Variants in RSF1 observed in about 807,000 individuals in gnomAD.
RSF1 encodes remodeling and spacing factor 1, also known as HBV pX-associated protein 8.
Under a neutral mutation model 145.2 loss-of-function variants are expected in RSF1, and 13 were observed. The ratio of observed to expected loss-of-function variants is 0.09; its 90% confidence interval spans 0.06 to 0.14. The LOEUF (loss-of-function observed/expected upper bound fraction) is 0.14. Ranked by LOEUF, RSF1 falls within the 10% of genes least tolerant of loss-of-function variation. The pLI is 1.00. For missense variants in RSF1, 1,517 were observed against 1,718.2 expected (o/e 0.88, Z 2.07); for synonymous variants, 577 against 592.6 (o/e 0.97, Z 0.38).
chr11:77,698,974 C>T (rs1371253952), intron 6 of RSF1, among the ~76,000 whole-genome samples: 3 of 152,074 alleles, frequency 2.0e-5, no homozygotes, highest in African/African-American at 7.2e-5. Flanking sequence ...ACTATAAATG[C>T]CATTACATAA....
chr11:77,692,307 GGA>G (rs1960174494), intron 8 of RSF1, among the ~76,000 whole-genome samples: 1 of 89,052 alleles, frequency 1.1e-5, no homozygotes, highest in African/African-American at 6.4e-5. Context: ...TGCAGTGGCG[GGA>G]TCTCGGCTCA....
intron 7 of RSF1, among the ~76,000 whole-genome samples, chr11:77,695,460 A>G (rs1960257572): frequency 6.6e-6 from 1 of 152,116 alleles, no homozygotes; most frequent in Non-Finnish European, 1.5e-5. Flanking sequence ...ATTAATGATT[A>G]TTTTATTCTT....
chr11:77,835,206 A>C, the RSF1 span, among the ~76,000 whole-genome samples: 9 of 152,176 alleles, frequency 5.9e-5, no homozygotes, highest in African/African-American at 2.2e-4. Context: ...CCTTTCAGGA[A>C]ATTTCTTAAA....
intron 5 of RSF1, among the ~76,000 whole-genome samples, chr11:77,712,088 T>C (rs1960699916): frequency 6.6e-6 from 1 of 152,234 alleles, no homozygotes; most frequent in Non-Finnish European, 1.5e-5. Flanking sequence ...AGTTACATGA[T>C]GTCAATATAC....
At chr11:77,706,345 T>C (rs1434992276) in intron 5 of RSF1, among the ~76,000 whole-genome samples, 2 of 152,142 alleles carry the variant, frequency 1.3e-5, no homozygotes, top group East Asian at 1.9e-4. Flanking sequence ...AGAAAATTAC[T>C]TGAAACTTTC....
chr11:77,745,193 C>CAA (rs1256903236), intron 3 of RSF1, among the ~76,000 whole-genome samples: 1 of 152,002 alleles, frequency 6.6e-6, no homozygotes, highest in African/African-American at 2.4e-5. Flanking sequence ...TAAAGGTTGT[C>CAA]AGTTTTGTTT....
At chr11:77,759,614 G>A (rs1948150847) in intron 2 of RSF1, among the ~76,000 whole-genome samples, 1 of 152,176 alleles carries the variant, frequency 6.6e-6, no homozygotes, top group South Asian at 2.1e-4. Context: ...AATCCAGGAG[G>A]CGGAGGTTGC....
At chr11:77,776,092 T>C (rs1948339159) in intron 1 of RSF1, among the ~76,000 whole-genome samples, 1 of 152,070 alleles carries the variant, frequency 6.6e-6, no homozygotes, top group Admixed American at 6.5e-5. Context: ...GTGCTTGTAG[T>C]CCTCCTTAGC....
At chr11:77,676,246 T>C (rs925044640) in intron 13 of RSF1, among the ~76,000 whole-genome samples, 1 of 152,180 alleles carries the variant, frequency 6.6e-6, no homozygotes, top group Non-Finnish European at 1.5e-5. Flanking sequence ...AATTTATCTT[T>C]CCCTGTATTT....
chr11:77,811,566 C>T (rs906208953), intron 1 of RSF1, among the ~76,000 whole-genome samples: 2 of 152,002 alleles, frequency 1.3e-5, no homozygotes, highest in Non-Finnish European at 2.9e-5. Context: ...AGACTAATGA[C>T]GGGTACAGTG....
chr11:77,841,677 T>G, the RSF1 span, among the ~76,000 whole-genome samples: 1 of 152,178 alleles, frequency 6.6e-6, no homozygotes, highest in Admixed American at 6.5e-5. Context: ...TCCAAATCTT[T>G]GATGCATATC....
intron 10 of RSF1, 104 bp from the exon 11 acceptor site, chr11:77,683,923 G>T (rs547946240): frequency 2.6e-6 from 2 of 781,478 alleles, no homozygotes; most frequent in South Asian, 1.9e-5. Context: ...CATGTGAAAG[G>T]TCTGAAAAAG....
chr11:77,766,289 C>A (rs1948224988), intron 1 of RSF1, among the ~76,000 whole-genome samples: 1 of 152,202 alleles, frequency 6.6e-6, no homozygotes, highest in Admixed American at 6.5e-5. Flanking sequence ...TACAAACACT[C>A]TGAGGGACAG....
Position 77,761,823 on chromosome 11 carries a change from C to T in RSF1, c.279+2775G>A, listed in dbSNP as rs868764595. Among the ~76,000 whole-genome samples, 566 of 114,296 alleles carry T rather than the reference C, an allele frequency of 5.0e-3. 4 individuals are homozygous for T. The highest frequency in any genetic ancestry group is 0.019 in the African/African-American group (523 of 28,184). The allele number at this position is 114,296 out of a possible 152,430, so 75.0% of individuals were successfully genotyped here. On this transcript the variant is annotated intron_variant, in intron 2 of 15. Transcript: ENST00000308488. ...AGAACTGCTAGTTTAAATTTCCATT[C>T]GGTGATTTTTTTTTTTTTTTTTTTT...
At chr11:77,735,770 C>T (rs1005483171) in intron 4 of RSF1, among the ~76,000 whole-genome samples, 3 of 152,140 alleles carry the variant, frequency 2.0e-5, no homozygotes, top group African/African-American at 7.2e-5. Flanking sequence ...ATGGAGGCCG[C>T]TCTGTTGTCG....
intron 1 of RSF1, among the ~76,000 whole-genome samples, chr11:77,772,309 A>G (rs1017089195): frequency 3.3e-5 from 5 of 152,008 alleles, no homozygotes; most frequent in African/African-American, 4.8e-5. Context: ...AGTTGAGATT[A>G]TAAGTAGGCA....
chr11:77,853,993 CTTT>C, the RSF1 span, among the ~76,000 whole-genome samples: 4 of 138,360 alleles, frequency 2.9e-5, no homozygotes, highest in Non-Finnish European at 1.5e-5. Context: ...CCTCCAAATT[CTTT>C]TTTTTTTTTT....
chr11:77,823,894 G>A (rs1295138372), upstream of RSF1, among the ~76,000 whole-genome samples: 3 of 151,026 alleles, frequency 2.0e-5, no homozygotes, highest in African/African-American at 7.3e-5. Flanking sequence ...CCACATTCCA[G>A]TGAGGTTGTG....
At chr11:77,714,235 T>C (rs1363277231) in intron 5 of RSF1, among the ~76,000 whole-genome samples, 1 of 152,168 alleles carries the variant, frequency 6.6e-6, no homozygotes, top group Non-Finnish European at 1.5e-5. Context: ...GTGGTGAGGA[T>C]TGAGAATTCA....
Sources: allele counts gnomAD v4.1 joint callset (sites outside exome capture counted in the v4.1 genomes callset), GRCh38; gene constraint gnomAD v4.1.1; transcripts MANE v1.5; gene names NCBI Gene and HGNC (gene_info 2026-07-23, HGNC 2026-07-21).